UBR4: variants seen among roughly 807,000 people sequenced by gnomAD.
The protein encoded by UBR4 is E3 ubiquitin-protein ligase UBR4.
Under a neutral mutation model 575.6 loss-of-function variants are expected in UBR4, and 124 were observed. That is an observed-to-expected ratio of 0.22 (90% CI 0.19 to 0.25). The LOEUF is 0.25. UBR4 is among the 10% of genes least tolerant of loss of function. The pLI is 1.00. For synonymous variants in UBR4, 2,455 were observed against 2,473.7 expected (o/e 0.99, Z 0.22); for missense variants, 4,818 against 6,478.8 (o/e 0.74, Z 8.80).
At chr1:19,091,897 A>G (rs893236884) in intron 97 of UBR4, among the ~76,000 whole-genome samples, 1 of 152,210 alleles carries the variant, frequency 6.6e-6, no homozygotes, top group African/African-American at 2.4e-5. Flanking sequence ...TAACAGCCAA[A>G]AACTGGCAAC....
intron 84 of UBR4, 139 bp downstream of exon 84, chr1:19,105,594 T>A (rs1271207589): frequency 3.0e-6 from 2 of 668,026 alleles, no homozygotes; most frequent in Non-Finnish European, 4.9e-6. Context: ...AAAAGTCAGC[T>A]TTTTAACACT....
At position 19,163,800 on chromosome 1, in the gene UBR4, T is replaced by C. The variant is rs761637991; in HGVS notation, c.4728A>G (p.Val1576=). The part of the protein sequence containing the change: ...RCKKYLSQKN[V]VEKLNANVMH... ...TTACATTGGCATTCAGTTTTTCAAC[T>C]ACATTCTTCTGTGACAGGTATTTCT... The change falls in exon 34 of 106, where the codon GTA becomes GTG. Residue 1576 remains valine, a synonymous_variant. Transcript: ENST00000375254. 1.1e-5 allele frequency: 18 copies of C among 1,614,028 alleles called. No homozygotes were observed. The highest frequency in any genetic ancestry group is 1.5e-5 in the Non-Finnish European group (18 of 1,180,024).
At position 19,112,787 on chromosome 1, in the gene UBR4, G is replaced by T. The variant is rs375956456; in HGVS notation, c.11538C>A (p.Ser3846=). The change falls in exon 78 of 106, where the codon TCC becomes TCA. Residue 3846 remains serine, a synonymous_variant. Coordinates refer to ENST00000375254, the MANE Select transcript of UBR4 (RefSeq NM_020765.3). The part of the protein sequence containing the change: ...REAATKSSRT[S]VQPTFTASQY... ...GGCTGGCAGTGAATGTGGGCTGCACGGAGGTCCGGGATGATTTAGTGGCTG... is the reference window on the plus strand; with the variant it reads ...GGCTGGCAGTGAATGTGGGCTGCACTGAGGTCCGGGATGATTTAGTGGCTG... The T allele has an allele frequency of 6.2e-6, 10 of 1,614,082 alleles. No individual in the cohort carries two copies. The highest frequency in any genetic ancestry group is 8.5e-6 in the Non-Finnish European group (10 of 1,180,022).
At chr1:19,130,917 TA>T (rs2082348766) in intron 60 of UBR4, among the ~76,000 whole-genome samples, 1 of 151,932 alleles carries the variant, frequency 6.6e-6, no homozygotes, top group African/African-American at 2.4e-5. Flanking sequence ...TTCATTTTGT[TA>T]TTTTTTTTTT....
intron 64 of UBR4, chr1:19,125,746 A>G (rs2081663915): frequency 2.6e-5 from 4 of 151,770 alleles, no homozygotes; most frequent in Admixed American, 2.6e-4. Flanking sequence ...AAAGAGCAAG[A>G]CAACGATCAG....
At chr1:19,189,598 G>T (rs2091880612) in intron 11 of UBR4, among the ~76,000 whole-genome samples, 1 of 152,108 alleles carries the variant, frequency 6.6e-6, no homozygotes, top group Admixed American at 6.5e-5. Context: ...ATGTCTGAAG[G>T]AATGTTTACC....
rs148298756 is a variant in UBR4, at chr1:19,128,340, C to A, written c.9004-22G>T. On this transcript the variant is annotated intron_variant, in intron 61 of 105. Coordinates refer to ENST00000375254, the MANE Select transcript of UBR4 (RefSeq NM_020765.3). ...TGACCTAGAAGTCAAAGACAGAAAACACAAAACCCAATTTCCTAAAGAAGA... is the reference window on the plus strand; with the variant it reads ...TGACCTAGAAGTCAAAGACAGAAAAAACAAAACCCAATTTCCTAAAGAAGA... 3.3e-4 allele frequency: 529 copies of A among 1,604,824 alleles called. 7 individuals are homozygous for A. The East Asian group carries it at 0.012, about 35-fold the overall frequency.
chr1:19,099,460 C>G, intron 90 of UBR4, 137 bp downstream of exon 90: 1 of 717,350 alleles, frequency 1.4e-6, no homozygotes, highest in South Asian at 2.1e-5. Flanking sequence ...TCCACACAAC[C>G]CCAAACAGGG....
Position 19,151,860 on chromosome 1 carries a change from C to A in UBR4, c.6997-1G>T. 1.3e-6 allele frequency: 2 copies of A among 1,581,086 alleles called. No individual in the cohort carries two copies. The highest frequency in any genetic ancestry group is 1.7e-6 in the Non-Finnish European group (2 of 1,163,680). ...TAATCTCAATGGTGAAGCCTCCGGG[C>A]TGTAGGGAGACAAGGCACACATCAA... On this transcript the variant is annotated splice_acceptor_variant, in intron 47 of 105. Coordinates refer to ENST00000375254, the MANE Select transcript of UBR4 (RefSeq NM_020765.3). LOFTEE classifies it high-confidence loss of function.
intron 1 of UBR4, among the ~76,000 whole-genome samples, chr1:19,206,260 C>T (rs2093002605): frequency 1.3e-5 from 2 of 152,124 alleles, no homozygotes; most frequent in South Asian, 4.1e-4. Flanking sequence ...TCCCTTGAGC[C>T]CAGGAGTTTG....
At chr1:19,186,735 CTT>C in intron 13 of UBR4, 78 bp from the exon 14 acceptor site, 1 of 1,419,900 alleles carries the variant, frequency 7.0e-7, no homozygotes, top group Non-Finnish European at 9.8e-7. Flanking sequence ...TCCATAATCT[CTT>C]TTATTTTTTC....
intron 49 of UBR4, chr1:19,149,694 A>C (rs1260225151): frequency 1.0e-5 from 13 of 1,239,226 alleles, no homozygotes; most frequent in Non-Finnish European, 1.3e-5. Flanking sequence ...ATGCAAAGCC[A>C]CACCATTGGT....
At position 19,115,527 on chromosome 1, in the gene UBR4, G is replaced by T. The variant is rs1441234095; in HGVS notation, c.10934C>A (p.Ala3645Glu). ...GGCCTGGTAGTTTTCATAGAAGTCT[G>T]CAAACTCAATCATCAGATTGGAGGC... ...IVASNLMIEF[A>E]DFYENYQAST... The change falls in exon 74 of 106, where the codon GCA becomes GAA. Residue 3645 changes from alanine (A) to glutamate (E), a missense_variant. Coordinates refer to ENST00000375254, the MANE Select transcript of UBR4 (RefSeq NM_020765.3). 4 of 1,614,100 alleles carry T rather than the reference G, an allele frequency of 2.5e-6. No individual in the cohort carries two copies. The highest frequency in any genetic ancestry group is 3.4e-6 in the Non-Finnish European group (4 of 1,180,046).
At chr1:19,162,387 G>C in intron 35 of UBR4, 33 bp downstream of exon 35, 1 of 1,590,632 alleles carries the variant, frequency 6.3e-7, no homozygotes, top group Non-Finnish European at 8.6e-7. Flanking sequence ...TCATTACCTT[G>C]AGAGGTTAAC....
intron 44 of UBR4, among the ~76,000 whole-genome samples, chr1:19,154,524 T>TA (rs2086180996): frequency 6.6e-6 from 1 of 152,188 alleles, no homozygotes; most frequent in Admixed American, 6.5e-5. Flanking sequence ...CCATTACTGA[T>TA]ACGTTCTATT....
chr1:19,158,033 T>C, intron 39 of UBR4, 36 bp from the exon 40 acceptor site: 1 of 1,590,250 alleles, frequency 6.3e-7, no homozygotes, highest in Non-Finnish European at 8.6e-7. Context: ...TGGGCAGTAA[T>C]GAGGCAAATA....
chr1:19,198,312 T>C (rs1321090489), intron 5 of UBR4, among the ~76,000 whole-genome samples: 1 of 152,228 alleles, frequency 6.6e-6, no homozygotes, highest in Non-Finnish European at 1.5e-5. Context: ...ATTTGTTAAT[T>C]TGCATTGAGA....
At chr1:19,128,640 T>C (rs1397767168) in intron 61 of UBR4, among the ~76,000 whole-genome samples, 1 of 152,228 alleles carries the variant, frequency 6.6e-6, no homozygotes, top group Non-Finnish European at 1.5e-5. Context: ...AGAACAGTTT[T>C]GCCTCTGAGG....
intron 1 of UBR4, among the ~76,000 whole-genome samples, chr1:19,206,627 C>A (rs551561660): frequency 1.3e-5 from 2 of 151,944 alleles, no homozygotes; most frequent in Non-Finnish European, 2.9e-5. Flanking sequence ...TGAGCCACTG[C>A]GCCCAGCCAA....
Sources: gnomAD v4.1 joint callset for allele counts (sites outside exome capture counted in the v4.1 genomes callset) on GRCh38, gnomAD v4.1.1 for gene constraint, MANE v1.5 for transcripts, NCBI Gene and HGNC (gene_info 2026-07-23, HGNC 2026-07-21) for gene names.